HOXB13: variants seen among roughly 807,000 people sequenced by gnomAD.
The protein encoded by HOXB13 is homeobox protein Hox-B13.
In HOXB13, 22 loss-of-function variants were observed where a neutral mutation model predicts 23.1. That is an observed-to-expected ratio of 0.95 (90% CI 0.68 to 1.36). The LOEUF is 1.36. HOXB13 is among the 40% of genes most tolerant of loss of function. The probability of loss-of-function intolerance (pLI) is 0.00; values close to 1 mark genes in which losing one functional copy is unlikely to be tolerated. For synonymous variants in HOXB13, 173 were observed against 157.9 expected (o/e 1.10, Z -0.72); for missense variants, 386 against 376.2 (o/e 1.03, Z -0.22).
intron 1 of HOXB13, among the ~76,000 whole-genome samples, chr17:48,727,344 T>C (rs1036427577): frequency 3.3e-5 from 5 of 152,076 alleles, no homozygotes; most frequent in Non-Finnish European, 5.9e-5. Context: ...CACCATCACA[T>C]ACGTCCAGTC....
Position 48,725,855 on chromosome 17 carries a change from C to G in HOXB13, c.*935G>C, listed in dbSNP as rs1421688292. On this transcript the variant is annotated 3_prime_UTR_variant, in exon 2 of 2. Coordinates refer to ENST00000290295, the MANE Select transcript of HOXB13 (RefSeq NM_006361.6). ...TGTCTCCAGCTTCCAGAATTCCGCACTGTGAATCTGTCTACGTGGACTGGG... is the reference window on the plus strand; with the variant it reads ...TGTCTCCAGCTTCCAGAATTCCGCAGTGTGAATCTGTCTACGTGGACTGGG... 6.6e-6 allele frequency: 1 copy of G among 152,248 alleles called. No homozygotes were observed. The allele number at this position is 152,248 out of a possible 1,614,324, so 9.4% of individuals were successfully genotyped here.
Position 48,727,927 on chromosome 17 carries a change from G to A in HOXB13, c.601+66C>T, listed in dbSNP as rs1597933599. The A allele has an allele frequency of 6.5e-7, 1 of 1,542,472 alleles. No individual in the cohort carries two copies. Among genetic ancestry groups the A allele is most frequent in the South Asian group, 1.2e-5 (1 of 80,822 alleles). On this transcript the variant is annotated intron_variant, in intron 1 of 1. Coordinates refer to ENST00000290295, the MANE Select transcript of HOXB13 (RefSeq NM_006361.6). ...CCAAGTCTCCCTCCTCCTCCTCCCA[G>A]GGAAATGCCATTGGGACCCACAACC... is the stretch of plus-strand genomic sequence containing the variant.
At chr17:48,727,383 CTT>C (rs957870830) in intron 1 of HOXB13, among the ~76,000 whole-genome samples, 9 of 152,104 alleles carry the variant, frequency 5.9e-5, no homozygotes, top group African/African-American at 1.9e-4. Context: ...CTTGGCCACT[CTT>C]TTAGATTCTA....
At chr17:48,727,446 TAC>T (rs35119864) in intron 1 of HOXB13, among the ~76,000 whole-genome samples, 15 of 149,608 alleles carry the variant, frequency 1.0e-4, no homozygotes, top group Middle Eastern at 3.4e-3. Flanking sequence ...TACATGCGCA[TAC>T]ACACACACAC....
At chr17:48,727,619 C>A (rs544918931) in intron 1 of HOXB13, among the ~76,000 whole-genome samples, 1 of 152,222 alleles carries the variant, frequency 6.6e-6, no homozygotes, top group East Asian at 1.9e-4. Flanking sequence ...CCACTCCCCA[C>A]GCACCGAATT....
rs769323553 is a variant in HOXB13, at chr17:48,728,527, C to T, written c.67G>A (p.Gly23Arg). 5 of 1,613,274 alleles carry T rather than the reference C, an allele frequency of 3.1e-6. No individual in the cohort carries two copies. Among genetic ancestry groups the T allele is most frequent in the Middle Eastern group, 1.7e-4 (1 of 5,816 alleles). ...GAGTGGGCGACCAGATTCCGCCCCCCTCCCGCTCCCAGCAAGCCTTCGATA... is the reference window on the plus strand; with the variant it reads ...GAGTGGGCGACCAGATTCCGCCCCCTTCCCGCTCCCAGCAAGCCTTCGATA... ...KDIEGLLGAGGGRNLVAHSPL... is the reference protein window; with the variant it reads ...KDIEGLLGAGRGRNLVAHSPL... Residue 23 changes from glycine to arginine, a missense_variant, in exon 1 of 2, where the codon GGG becomes AGG. Physicochemically the swap from Gly to Arg is moderately radical, Grantham distance 125 (BLOSUM62 -2). Coordinates refer to ENST00000290295, the MANE Select transcript of HOXB13 (RefSeq NM_006361.6).
Position 48,727,521 on chromosome 17 carries a change from C to A in HOXB13, c.601+472G>T, listed in dbSNP as rs773455947. On this transcript the variant is annotated intron_variant, in intron 1 of 1. Coordinates refer to ENST00000290295, the MANE Select transcript of HOXB13 (RefSeq NM_006361.6). ...ACGGCTGCAGGAAACCTAAATTTTT[C>A]TTTGGAAATTGGAAAACTCATCTAA... is the stretch of plus-strand genomic sequence containing the variant. Among the ~76,000 whole-genome samples, 43 of 152,266 alleles carry A rather than the reference C, an allele frequency of 2.8e-4. No homozygotes were observed. The Middle Eastern group carries it at 0.014, about 48-fold the overall frequency.
At position 48,728,599 on chromosome 17, in the gene HOXB13, C is replaced by T. The variant is rs375857762; in HGVS notation, c.-6G>A. 2.9e-5 allele frequency: 47 copies of T among 1,611,194 alleles called. No individual in the cohort carries two copies. The highest frequency in any genetic ancestry group is 3.9e-5 in the Non-Finnish European group (46 of 1,179,810). ...GCATAATTGCCGGGCTCCATGGAGC[C>T]GAGGGTCGGCTCATGAGGTGCGGGG... On this transcript the variant is annotated 5_prime_UTR_variant, in exon 1 of 2. Coordinates refer to ENST00000290295, the MANE Select transcript of HOXB13 (RefSeq NM_006361.6).
rs1468765462 is a variant in HOXB13, at chr17:48,725,172, G to C, written c.*1618C>G. On this transcript the variant is annotated 3_prime_UTR_variant, in exon 2 of 2. Transcript: ENST00000290295. ...AAGGAGGACGTGGAAGGCAGAAAGTGACCTGCTCTGAGCGGCGCATGTAAC... is the reference window on the plus strand; with the variant it reads ...AAGGAGGACGTGGAAGGCAGAAAGTCACCTGCTCTGAGCGGCGCATGTAAC... The C allele has an allele frequency of 6.6e-6, 1 of 152,658 alleles. No individual in the cohort carries two copies. The highest frequency in any genetic ancestry group is 2.4e-5 in the African/African-American group (1 of 41,474). The allele number at this position is 152,658 out of a possible 1,614,324, so 9.5% of individuals were successfully genotyped here.
In HOXB13 at chr17:48,724,874, C is replaced by T. The variant is rs1485262252; in HGVS notation, c.*1916G>A. 18 of 404,520 alleles carry T rather than the reference C, an allele frequency of 4.4e-5. No homozygotes were observed. Among genetic ancestry groups the T allele is most frequent in the Non-Finnish European group, 7.2e-5 (17 of 235,032 alleles). 25.1% of individuals were successfully genotyped at this position (404,520 alleles called of 1,614,324 possible). ...CATGGGGAGTCCAGAGGTTCCAGAC[C>T]CCCAAAGGTCTCTACCAGGGCCATC... is the stretch of plus-strand genomic sequence containing the variant. On this transcript the variant is annotated 3_prime_UTR_variant, in exon 2 of 2. Transcript: ENST00000290295.
At position 48,726,399 on chromosome 17, in the gene HOXB13, C is replaced by G. The variant is rs900496182; in HGVS notation, c.*391G>C. 1 of 178,058 alleles carries G rather than the reference C, an allele frequency of 5.6e-6. No homozygotes were observed. The highest frequency in any genetic ancestry group is 2.4e-5 in the African/African-American group (1 of 42,270). 11.0% of individuals were successfully genotyped at this position (178,058 alleles called of 1,614,324 possible). On this transcript the variant is annotated 3_prime_UTR_variant, in exon 2 of 2. Coordinates refer to ENST00000290295, the MANE Select transcript of HOXB13 (RefSeq NM_006361.6). ...AGAGAAAGCTTCCCTGCAAAGGGAT[C>G]GCCTTCCAAATTTATTCATAATTAG...
rs1156639115 is a variant in HOXB13, at chr17:48,728,544, C to G, written c.50G>C (p.Gly17Ala). The change falls in exon 1 of 2, where the codon GGC (glycine) becomes GCC (alanine). Residue 17 changes from glycine (G) to alanine (A), a missense_variant. Gly to Ala is a moderately conservative substitution (Grantham distance 60, BLOSUM62 0). Coordinates refer to ENST00000290295, the MANE Select transcript of HOXB13 (RefSeq NM_006361.6). ...CCGCCCCCCTCCCGCTCCCAGCAAG[C>G]CTTCGATATCCTTGGCTCCATCCAA... is the stretch of plus-strand genomic sequence containing the variant. ...ATLDGAKDIEGLLGAGGGRNL... is the reference protein window; with the variant it reads ...ATLDGAKDIEALLGAGGGRNL... The G allele has an allele frequency of 3.1e-6, 5 of 1,612,968 alleles. No individual in the cohort carries two copies. Among genetic ancestry groups the G allele is most frequent in the African/African-American group, 2.7e-5 (2 of 74,908 alleles).
rs2143073910 is a variant in HOXB13, at chr17:48,728,391, C to G, written c.203G>C (p.Gly68Ala). ...EPPKQCHPCP[G>A]VPQGTSPAPV... is the part of the protein sequence containing the mutation. ...AGCTGGGGACGTCCCCTGGGGCACC[C>G]CAGGGCATGGGTGGCATTGCTTTGG... The change falls in exon 1 of 2, where the codon GGG (glycine) becomes GCG (alanine). Residue 68 changes from glycine to alanine, a missense_variant. Transcript: ENST00000290295. 1.2e-6 allele frequency: 2 copies of G among 1,613,824 alleles called. No homozygotes were observed. The highest frequency in any genetic ancestry group is 2.2e-5 in the South Asian group (2 of 91,070).
At chr17:48,727,388 A>G (rs2038223073) in intron 1 of HOXB13, among the ~76,000 whole-genome samples, 1 of 151,988 alleles carries the variant, frequency 6.6e-6, no homozygotes, top group South Asian at 2.1e-4. Flanking sequence ...CCACTCTTTT[A>G]GATTCTACAG....
At chr17:48,727,850 C>A (rs1475082840) in intron 1 of HOXB13, 143 bp downstream of exon 1, 2 of 1,060,672 alleles carry the variant, frequency 1.9e-6, no homozygotes, top group Non-Finnish European at 2.7e-6. Flanking sequence ...CTCAGACCTC[C>A]TTCAGAGTCC....
rs1228891818 is a variant in HOXB13, at chr17:48,724,902, C to A, written c.*1888G>T. The A allele has an allele frequency of 5.3e-6, 2 of 376,390 alleles. No individual in the cohort carries two copies. The highest frequency in any genetic ancestry group is 7.7e-5 in the East Asian group (2 of 25,836). 23.3% of individuals were successfully genotyped at this position (376,390 alleles called of 1,614,324 possible). ...CAAAGGTCTCTACCAGGGCCATCTC[C>A]GTTAGTGGCGGTGGCAGCCCCTCTT... is the stretch of plus-strand genomic sequence containing the variant. On this transcript the variant is annotated 3_prime_UTR_variant, in exon 2 of 2. Transcript: ENST00000290295.
chr17:48,726,603 C>T lies in HOXB13; in HGVS notation c.*187G>A. The stretch of plus-strand genomic sequence containing the variant: ...TGGAGTGGGCTGTCACATGGGGTTC[C>T]GTCTCCCTGCACATACTGGGTACCC... On this transcript the variant is annotated 3_prime_UTR_variant, in exon 2 of 2. Transcript: ENST00000290295. 2 of 656,994 alleles carry T rather than the reference C, an allele frequency of 3.0e-6. No individual in the cohort carries two copies. Among genetic ancestry groups the T allele is most frequent in the East Asian group, 2.8e-5 (1 of 36,246 alleles). 40.7% of individuals were successfully genotyped at this position (656,994 alleles called of 1,614,324 possible). A position where few individuals can be genotyped will look rare whatever the true frequency, so the allele number is the denominator to read the frequency against.
Position 48,727,095 on chromosome 17 carries a change from T to G in HOXB13, c.602-52A>C, listed in dbSNP as rs1597933162. 6.3e-7 allele frequency: 1 copy of G among 1,589,558 alleles called. No individual in the cohort carries two copies. The highest frequency in any genetic ancestry group is 1.3e-5 in the African/African-American group (1 of 74,778). Reference sequence around the variant, plus strand: ...AAAGGCATGGTCAGATACCCACCCATGCAGACCCAGGCCTTGCAAGCCCCA... The same window carrying G: ...AAAGGCATGGTCAGATACCCACCCAGGCAGACCCAGGCCTTGCAAGCCCCA... On this transcript the variant is annotated intron_variant, in intron 1 of 1. Transcript: ENST00000290295.
rs778047967 is a variant in HOXB13 at position 48,728,218 on chromosome 17, C to A, written c.376G>T (p.Glu126Ter). The change falls in exon 1 of 2, where the codon GAG (glutamate) becomes TAG (stop). Residue 126 changes from glutamate (E) to a stop codon, truncating the protein, a stop_gained. Coordinates refer to ENST00000290295, the MANE Select transcript of HOXB13 (RefSeq NM_006361.6). LOFTEE classifies it high-confidence loss of function. ...GGATATCCCGGATAGAAGGCAAACT[C>A]AGTGGGGCGGCTGGGGTACTCTTCC... is the stretch of plus-strand genomic sequence containing the variant. ...AGEEYPSRPTEFAFYPGYPGT... is the reference protein window; with the variant it reads ...AGEEYPSRPT 1 of 1,614,204 alleles carries A rather than the reference C, an allele frequency of 6.2e-7. No individual in the cohort carries two copies. The highest frequency in any genetic ancestry group is 8.5e-7 in the Non-Finnish European group (1 of 1,180,034).
Sources: gnomAD v4.1 joint callset for allele counts (sites outside exome capture counted in the v4.1 genomes callset) on GRCh38, gnomAD v4.1.1 for gene constraint, MANE v1.5 for transcripts, NCBI Gene and HGNC (gene_info 2026-07-23, HGNC 2026-07-21) for gene names.